Variants in DTNB observed in about 807,000 individuals in gnomAD.
The protein encoded by DTNB is dystrobrevin beta.
Under a neutral mutation model 90.7 loss-of-function variants are expected in DTNB, and 63 were observed. The observed-to-expected ratio is 0.69, with a 90% CI of 0.57 to 0.86. The LOEUF (loss-of-function observed/expected upper bound fraction) is 0.86. Ranked by LOEUF, DTNB falls within the 40% of genes least tolerant of loss-of-function variation. The pLI, the probability that DTNB is intolerant of heterozygous loss-of-function variation, is 0.00. For synonymous variants in DTNB, 277 were observed against 286.7 expected (o/e 0.97, Z 0.34); for missense variants, 744 against 807.1 (o/e 0.92, Z 0.95).
chr2:25,430,941 T>C (rs2053656892), intron 14 of DTNB, among the ~76,000 whole-genome samples: 2 of 152,210 alleles, frequency 1.3e-5, no homozygotes, highest in African/African-American at 4.8e-5. Flanking sequence ...TCAAGGCTCA[T>C]AGCCACTCAC....
Position 25,596,089 on chromosome 2 carries a change from C to T in DTNB, c.600G>A (p.Gln200=). The change falls in exon 6 of 21, where the codon CAG becomes CAA. Residue 200 remains glutamine, a synonymous_variant. Transcript: ENST00000406818. ...GATTCTATAAAACTGTCCTTACCTG[C>T]TGTGGAAAACAGGTGCGGACTGAGT... ...TEHSVRTCFP[Q]QRKIMLNMFL... is the part of the protein sequence containing the mutation. 6.2e-7 allele frequency: 1 copy of T among 1,603,136 alleles called. No individual in the cohort carries two copies. Among genetic ancestry groups the T allele is most frequent in the East Asian group, 2.2e-5 (1 of 44,462 alleles).
Position 25,662,677 on chromosome 2 carries a change from C to CAA in DTNB, c.-1-10017_-1-10016insTT, listed in dbSNP as rs1553662149. Reference sequence around the variant, plus strand: ...ACACACACACACACACACACACACACACAAACACACACACACACACACACA... The same window carrying CAA: ...ACACACACACACACACACACACACACAAACAAACACACACACACACACACACA... On this transcript the variant is annotated intron_variant, in intron 1 of 20. Transcript: ENST00000406818. Among the ~76,000 whole-genome samples, 346 of 54,120 alleles carry CAA rather than the reference C, an allele frequency of 6.4e-3. 2 individuals are homozygous for CAA. The highest frequency in any genetic ancestry group is 0.011 in the African/African-American group (227 of 21,600). 35.5% of individuals were successfully genotyped at this position (54,120 alleles called of 152,430 possible). A position where few individuals can be genotyped will look rare whatever the true frequency, so the allele number is the denominator to read the frequency against.
intron 8 of DTNB, among the ~76,000 whole-genome samples, chr2:25,541,608 G>A (rs554123966): frequency 1.9e-3 from 292 of 152,226 alleles, no homozygotes; most frequent in Non-Finnish European, 3.5e-3. Flanking sequence ...TCATAGAGCC[G>A]GAAGTATTTG....
rs564494456 is a variant in DTNB at position 25,440,291 on chromosome 2, G to A, written c.1258-6296C>T. ...AATAACAAATAAACCAGTGAGATAC[G>A]AGGATGAAAAGAGGGTTTCTATTTC... On this transcript the variant is annotated intron_variant, in intron 12 of 20. Transcript: ENST00000406818. Among the ~76,000 whole-genome samples the A allele has an allele frequency of 1.2e-4, 18 of 152,314 alleles. 1 individual carries two copies. The highest frequency in any genetic ancestry group is 9.2e-4 in the Admixed American group (14 of 15,294).
intron 9 of DTNB, among the ~76,000 whole-genome samples, chr2:25,527,410 C>G (rs2077375329): frequency 6.6e-6 from 1 of 152,074 alleles, no homozygotes; most frequent in African/African-American, 2.4e-5. Context: ...GTAGTCCCAG[C>G]TACTCAGGAG....
intron 1 of DTNB, among the ~76,000 whole-genome samples, chr2:25,672,547 T>C (rs142079258): frequency 0.013 from 2,040 of 152,290 alleles, 23 homozygotes; most frequent in Non-Finnish European, 0.019. Context: ...ATTTCTCCCA[T>C]AGGCTTCTTT....
chr2:25,563,168 G>A (rs1174305309), intron 8 of DTNB, among the ~76,000 whole-genome samples: 2 of 152,162 alleles, frequency 1.3e-5, no homozygotes, highest in African/African-American at 2.4e-5. Context: ...GTATGTTCAC[G>A]TTGCCATAAC....
At chr2:25,597,641 T>C (rs564344109) in intron 5 of DTNB, among the ~76,000 whole-genome samples, 214 of 152,272 alleles carry the variant, frequency 1.4e-3, no homozygotes, top group African/African-American at 4.9e-3. Flanking sequence ...TAGTTTACAG[T>C]TGATGGAAAA....
intron 8 of DTNB, among the ~76,000 whole-genome samples, chr2:25,549,400 T>C (rs2151089853): frequency 6.6e-6 from 1 of 152,276 alleles, no homozygotes; most frequent in East Asian, 1.9e-4. Flanking sequence ...TTATATTTTA[T>C]ATCTAACTTG....
At position 25,567,007 on chromosome 2, in the gene DTNB, CA is replaced by C. The variant is rs566491980; in HGVS notation, c.876+9830del. ...GGACACTGACTGATAGAAGCAGAGA[CA>C]GGGGGCATGGCAGACCCAGCCTCAG... On this transcript the variant is annotated intron_variant, in intron 8 of 20. Transcript: ENST00000406818. 3.9e-5 allele frequency among the ~76,000 whole-genome samples: 6 copies of C among 152,318 alleles called. No homozygotes were observed. In the South Asian group the frequency reaches 8.3e-4, roughly 21 times the overall value.
At position 25,553,326 on chromosome 2, in the gene DTNB, C is replaced by T. The variant is rs145304916; in HGVS notation, c.877-21729G>A. Among the ~76,000 whole-genome samples, 958 of 152,230 alleles carry T rather than the reference C, an allele frequency of 6.3e-3. 12 individuals carry two copies. The highest frequency in any genetic ancestry group is 0.02 in the Middle Eastern group (6 of 294). ...AATAAAAAGTGAAAAATTAGAATTG[C>T]TAAGCTCCAGTTTAACTGGTAAGCT... On this transcript the variant is annotated intron_variant, in intron 8 of 20. Coordinates refer to ENST00000406818, the MANE Select transcript of DTNB (RefSeq NM_021907.5).
intron 8 of DTNB, among the ~76,000 whole-genome samples, chr2:25,540,887 C>CTG (rs2081082044): frequency 1.3e-5 from 2 of 151,948 alleles, no homozygotes; most frequent in Non-Finnish European, 2.9e-5. Context: ...CTCAAGTACC[C>CTG]AGGGACACAA....
At chr2:25,465,666 T>C (rs1195663950) in intron 10 of DTNB, among the ~76,000 whole-genome samples, 2 of 152,092 alleles carry the variant, frequency 1.3e-5, no homozygotes, top group African/African-American at 4.8e-5. Context: ...ATCCTCCCCA[T>C]TCCCTCTGCC....
chr2:25,631,413 AT>A (rs575490433), intron 3 of DTNB, among the ~76,000 whole-genome samples: 1 of 151,868 alleles, frequency 6.6e-6, no homozygotes. Context: ...TCCACAAAAA[AT>A]TTTTTTTAAT....
intron 1 of DTNB, among the ~76,000 whole-genome samples, chr2:25,668,164 G>A (rs547056932): frequency 2.6e-5 from 4 of 152,114 alleles, no homozygotes; most frequent in Non-Finnish European, 4.4e-5. Flanking sequence ...GTGTGAATCC[G>A]GGAGGCAGAG....
rs5829985 is a variant in DTNB, at chr2:25,672,203, CAAAAAAAAAAAAAAAAA to C, written c.-2+1166_-2+1182del. Reference sequence around the variant, plus strand: ...TCAGAACCGGGGTTGCCTCGCATAGCAAAAAAAAAAAAAAAAAAAAAAAAAAAAAAAGAGGCAGAGAG... The same window carrying C: ...TCAGAACCGGGGTTGCCTCGCATAGCAAAAAAAAAAAAAAGAGGCAGAGAG... On this transcript the variant is annotated intron_variant, in intron 1 of 20. Transcript: ENST00000406818. 0.015 allele frequency among the ~76,000 whole-genome samples: 656 copies of C among 42,510 alleles called. 22 individuals carry two copies. The South Asian group carries it at 0.17, about 11-fold the overall frequency. 27.9% of individuals were successfully genotyped at this position (42,510 alleles called of 152,430 possible). A position where few individuals can be genotyped will look rare whatever the true frequency, so the allele number is the denominator to read the frequency against.
intron 18 of DTNB, chr2:25,386,227 T>G: frequency 2.0e-6 from 1 of 507,870 alleles, no homozygotes; most frequent in Non-Finnish European, 2.5e-6. Flanking sequence ...ACAGGCAGAC[T>G]TGAGAGCAGA....
chr2:25,595,352 C>T (rs1040613986), intron 6 of DTNB, among the ~76,000 whole-genome samples: 3 of 152,106 alleles, frequency 2.0e-5, no homozygotes, highest in Non-Finnish European at 2.9e-5. Context: ...ATGTCAATAT[C>T]CTGTTTCCAT....
chr2:25,473,936 GGTCTAT>G (rs2063283220), intron 10 of DTNB, among the ~76,000 whole-genome samples: 2 of 152,160 alleles, frequency 1.3e-5, no homozygotes, highest in South Asian at 4.1e-4. Flanking sequence ...CTCTGCCGAT[GGTCTAT>G]GACGGATGTG....
Sources: allele counts gnomAD v4.1 joint callset (sites outside exome capture counted in the v4.1 genomes callset), GRCh38; gene constraint gnomAD v4.1.1; transcripts MANE v1.5; gene names NCBI Gene and HGNC (gene_info 2026-07-23, HGNC 2026-07-21).